The following SETBP1 variants were observed in gnomAD, a reference collection of about 807,000 sequenced individuals.
SETBP1 encodes SET-binding protein.
A neutral mutation model predicts 101.0 loss-of-function variants in SETBP1; 9 were observed. That is an observed-to-expected ratio of 0.09 (90% CI 0.05 to 0.16). The LOEUF (loss-of-function observed/expected upper bound fraction) is 0.16. Ranked by LOEUF, SETBP1 falls within the 10% of genes least tolerant of loss-of-function variation. The pLI is 1.00. For missense variants in SETBP1, 1,858 were observed against 2,033.8 expected (o/e 0.91, Z 1.66); for synonymous variants, 818 against 788.5 (o/e 1.04, Z -0.63).
At chr18:45,002,043 G>C (rs1475386388) in intron 4 of SETBP1, among the ~76,000 whole-genome samples, 3 of 152,122 alleles carry the variant, frequency 2.0e-5, no homozygotes, top group Admixed American at 6.5e-5. Context: ...AGTCTGGAAA[G>C]CTCCTTCAGA....
chr18:45,058,373 T>A (rs1225964703), intron 5 of SETBP1, among the ~76,000 whole-genome samples: 1 of 152,064 alleles, frequency 6.6e-6, no homozygotes, highest in Non-Finnish European at 1.5e-5. Flanking sequence ...GAAGTTCTCC[T>A]CCCCCCACAC....
At chr18:44,954,056 G>A (rs1337466590) in intron 4 of SETBP1, among the ~76,000 whole-genome samples, 1 of 152,130 alleles carries the variant, frequency 6.6e-6, no homozygotes, top group Non-Finnish European at 1.5e-5. Context: ...GTGTCTCTTT[G>A]CATGCCCACT....
intron 2 of SETBP1, among the ~76,000 whole-genome samples, chr18:44,750,989 T>C (rs2070369170): frequency 6.6e-6 from 1 of 152,122 alleles, no homozygotes; most frequent in Non-Finnish European, 1.5e-5. Context: ...ATGAGGCTGA[T>C]GGAGTGGGAA....
At chr18:44,776,297 C>T (rs899415200) in intron 2 of SETBP1, among the ~76,000 whole-genome samples, 1 of 152,204 alleles carries the variant, frequency 6.6e-6, no homozygotes, top group African/African-American at 2.4e-5. Flanking sequence ...TGATTGACAT[C>T]AGGCTATAGA....
intron 2 of SETBP1, among the ~76,000 whole-genome samples, chr18:44,842,028 T>C (rs1449417408): frequency 6.6e-6 from 1 of 152,356 alleles, no homozygotes; most frequent in East Asian, 1.9e-4. Flanking sequence ...ACATGCTGCC[T>C]CCCTGGCTGG....
In SETBP1 at chr18:44,762,772, C is replaced by T. The variant is rs141383350; in HGVS notation, c.486+60940C>T. Among the ~76,000 whole-genome samples the T allele has an allele frequency of 2.6e-5, 4 of 152,318 alleles. No homozygotes were observed. In the East Asian group the frequency reaches 5.8e-4, roughly 22 times the overall value. On this transcript the variant is annotated intron_variant, in intron 2 of 5. Coordinates refer to ENST00000649279, the MANE Select transcript of SETBP1 (RefSeq NM_015559.3). ...TGATTAGCATTGGCAGAAAAAGGAA[C>T]AGCCATTTCTAAAGTGAATCTAAGT...
intron 1 of SETBP1, among the ~76,000 whole-genome samples, chr18:44,695,346 T>G (rs897233200): frequency 5.9e-5 from 9 of 152,096 alleles, no homozygotes; most frequent in Non-Finnish European, 1.2e-4. Context: ...CCAGGAAAAT[T>G]AAAGGGAGAG....
rs144471715 is a variant in SETBP1, at chr18:44,952,972, A to G, written c.3632A>G (p.Lys1211Arg). ...AAGAACAAGCATAAGGAGAAACAGA[A>G]GCACCAGCACAGCGAAGCCGGCCAC... Reference protein sequence around the residue: ...SEKNKHKEKQKHQHSEAGHKA... With the variant: ...SEKNKHKEKQRHQHSEAGHKA... Residue 1211 changes from lysine (K) to arginine (R), a missense_variant, in exon 4 of 6, where the codon AAG (lysine) becomes AGG (arginine). Transcript: ENST00000649279. The G allele has an allele frequency of 8.1e-6, 13 of 1,614,044 alleles. No homozygotes were observed. The highest frequency in any genetic ancestry group is 8.0e-5 in the African/African-American group (6 of 74,928).
At chr18:44,887,513 G>C (rs1356723197) in intron 3 of SETBP1, among the ~76,000 whole-genome samples, 1 of 152,156 alleles carries the variant, frequency 6.6e-6, no homozygotes, top group Non-Finnish European at 1.5e-5. Context: ...GATAGGACTA[G>C]AGACTCCTAC....
intron 1 of SETBP1, among the ~76,000 whole-genome samples, chr18:44,695,031 TAAAAA>T (rs370471732): frequency 6.6e-6 from 1 of 150,754 alleles, no homozygotes; most frequent in African/African-American, 2.4e-5. Context: ...ATTGCAGAAT[TAAAAA>T]AAAATCCACA....
Position 45,063,976 on chromosome 18 carries a change from G to A in SETBP1, c.*278G>A, listed in dbSNP as rs958252647. 1 of 351,906 alleles carries A rather than the reference G, an allele frequency of 2.8e-6. No individual in the cohort carries two copies. The highest frequency in any genetic ancestry group is 5.3e-6 in the Non-Finnish European group (1 of 189,656). 21.8% of individuals were successfully genotyped at this position (351,906 alleles called of 1,614,324 possible). ...CTGGATCCTCCGCAGGCGAGCGGAA[G>A]GCCCCCAGGAGGAGCAGGCTGGTGG... is the stretch of plus-strand genomic sequence containing the variant. On this transcript the variant is annotated 3_prime_UTR_variant, in exon 6 of 6. Coordinates refer to ENST00000649279, the MANE Select transcript of SETBP1 (RefSeq NM_015559.3).
At chr18:44,976,316 G>A (rs544669478) in intron 4 of SETBP1, among the ~76,000 whole-genome samples, 1 of 152,150 alleles carries the variant, frequency 6.6e-6, no homozygotes, top group Non-Finnish European at 1.5e-5. Context: ...CCAAAGCTTG[G>A]CTCGCATTTG....
At chr18:44,930,659 T>C (rs1397167842) in intron 3 of SETBP1, among the ~76,000 whole-genome samples, 1 of 152,222 alleles carries the variant, frequency 6.6e-6, no homozygotes, top group East Asian at 1.9e-4. Context: ...CCTAGTTTAG[T>C]CTTGGGAGGG....
chr18:44,891,282 A>T (rs1200198279), intron 3 of SETBP1, among the ~76,000 whole-genome samples: 1 of 152,172 alleles, frequency 6.6e-6, no homozygotes, highest in East Asian at 1.9e-4. Flanking sequence ...TTGGGTGGGG[A>T]CACAGCCAAA....
At chr18:44,925,020 T>TTG (rs796559962) in intron 3 of SETBP1, among the ~76,000 whole-genome samples, 3 of 144,660 alleles carry the variant, frequency 2.1e-5, no homozygotes, top group African/African-American at 7.5e-5. Context: ...TTTTTTTTTT[T>TTG]TTTTTTTTTT....
At chr18:44,818,110 G>C (rs545204408) in intron 2 of SETBP1, among the ~76,000 whole-genome samples, 9 of 152,338 alleles carry the variant, frequency 5.9e-5, no homozygotes, top group African/African-American at 2.2e-4. Context: ...TTCTGAAAGA[G>C]TAAACATCCA....
chr18:44,779,926 ACACG>A (rs1379622613), intron 2 of SETBP1, among the ~76,000 whole-genome samples: 20 of 151,796 alleles, frequency 1.3e-4, no homozygotes, highest in African/African-American at 3.6e-4. Flanking sequence ...ACACACACAC[ACACG>A]CACGCACACA....
At chr18:44,851,498 T>G (rs868468179) in intron 2 of SETBP1, among the ~76,000 whole-genome samples, 1 of 152,190 alleles carries the variant, frequency 6.6e-6, no homozygotes, top group African/African-American at 2.4e-5. Flanking sequence ...TCTGGCCACC[T>G]TTGCATCTTT....
At chr18:44,905,017 C>T (rs187127440) in intron 3 of SETBP1, among the ~76,000 whole-genome samples, 19 of 152,124 alleles carry the variant, frequency 1.2e-4, no homozygotes, top group African/African-American at 2.7e-4. Context: ...TAGCAACCTC[C>T]GACAGGAAGT....
Sources: allele counts gnomAD v4.1 joint callset (sites outside exome capture counted in the v4.1 genomes callset), GRCh38; gene constraint gnomAD v4.1.1; transcripts MANE v1.5; gene names NCBI Gene and HGNC (gene_info 2026-07-23, HGNC 2026-07-21).